The following MAN1A2 variants were observed in gnomAD, a reference collection of about 807,000 sequenced individuals.
The protein encoded by MAN1A2 is mannosyl-oligosaccharide 1,2-alpha-mannosidase IB.
In MAN1A2, 26 loss-of-function variants were observed where a neutral mutation model predicts 75.7. The ratio of observed to expected loss-of-function variants is 0.34; its 90% CI spans 0.25 to 0.48. MAN1A2 has a LOEUF of 0.48. Ranked by LOEUF, MAN1A2 falls within the 20% of genes least tolerant of loss-of-function variation. MAN1A2 has a pLI of 0.99. For missense variants in MAN1A2, 562 were observed against 775.5 expected (o/e 0.72, Z 3.27); for synonymous variants, 247 against 264.6 (o/e 0.93, Z 0.65).
rs150035070 is a variant in MAN1A2 at position 117,369,652 on chromosome 1, G to A, written c.302+1167G>A. ...TTATGGAGTAGTTACTTCTAATATT[G>A]TTTCATGCCATTCTTTTGTAACTAA... On this transcript the variant is annotated intron_variant, in intron 1 of 12. Transcript: ENST00000356554. 1.4e-4 allele frequency among the ~76,000 whole-genome samples: 21 copies of A among 152,106 alleles called. No homozygotes were observed. In the East Asian group the frequency reaches 4.1e-3, roughly 29 times the overall value.
At chr1:117,475,276 A>G (rs887768123) in intron 8 of MAN1A2, among the ~76,000 whole-genome samples, 3 of 151,996 alleles carry the variant, frequency 2.0e-5, no homozygotes, top group Non-Finnish European at 2.9e-5. Flanking sequence ...ACCATTTTAC[A>G]TTGCTATCAG....
intron 1 of MAN1A2, among the ~76,000 whole-genome samples, chr1:117,375,190 T>G (rs1331570724): frequency 6.6e-6 from 1 of 152,184 alleles, no homozygotes; most frequent in Non-Finnish European, 1.5e-5. Flanking sequence ...ATACAGTCCT[T>G]GACTGAGGCC....
intron 5 of MAN1A2, among the ~76,000 whole-genome samples, chr1:117,425,894 A>G (rs1648352876): frequency 6.6e-6 from 1 of 151,876 alleles, no homozygotes; most frequent in Admixed American, 6.6e-5. Flanking sequence ...TCTTCATTTC[A>G]GTCATTTTTG....
chr1:117,422,438 C>T (rs1487582242), intron 5 of MAN1A2, among the ~76,000 whole-genome samples: 2 of 152,000 alleles, frequency 1.3e-5, no homozygotes, highest in Admixed American at 6.6e-5. Flanking sequence ...CTATAGATTT[C>T]TGTGGGAAAA....
chr1:117,370,016 T>C lies in MAN1A2; in HGVS notation c.302+1531T>C, dbSNP rs1221876084. The stretch of plus-strand genomic sequence containing the variant: ...AATGGTCTAAAAGTTTAAAATAATA[T>C]GACCACATTTTAGTTTAAAAACATT... On this transcript the variant is annotated intron_variant, in intron 1 of 12. Coordinates refer to ENST00000356554, the MANE Select transcript of MAN1A2 (RefSeq NM_006699.5). Among the ~76,000 whole-genome samples, 5 of 152,324 alleles carry C rather than the reference T, an allele frequency of 3.3e-5. No homozygotes were observed. The East Asian group carries it at 9.6e-4, about 29-fold the overall frequency.
At chr1:117,429,560 G>C (rs1230977967) in intron 5 of MAN1A2, among the ~76,000 whole-genome samples, 1 of 113,956 alleles carries the variant, frequency 8.8e-6, no homozygotes, top group Admixed American at 7.8e-5. Context: ...TCCCGGACGG[G>C]GCGGCTGGCC....
intron 5 of MAN1A2, among the ~76,000 whole-genome samples, chr1:117,423,657 T>C (rs989899333): frequency 6.6e-6 from 1 of 152,146 alleles, no homozygotes; most frequent in African/African-American, 2.4e-5. Context: ...ATAAATACAT[T>C]TGATTTTTAA....
chr1:117,433,060 G>T (rs1411725733), intron 5 of MAN1A2, among the ~76,000 whole-genome samples: 1 of 151,414 alleles, frequency 6.6e-6, no homozygotes, highest in Non-Finnish European at 1.5e-5. Context: ...AACAATAAAG[G>T]AGAAAAATCA....
chr1:117,376,674 G>C (rs1049283906), intron 1 of MAN1A2, among the ~76,000 whole-genome samples: 1 of 152,210 alleles, frequency 6.6e-6, no homozygotes, highest in South Asian at 2.1e-4. Context: ...CTAACATTGT[G>C]TGAAGTTGAG....
chr1:117,493,438 A>G (rs1650948366), intron 9 of MAN1A2, 176 bp downstream of exon 9: 2 of 455,100 alleles, frequency 4.4e-6, no homozygotes, highest in South Asian at 3.4e-5. Context: ...AAAGCCTCAT[A>G]TTAAGTCTTC....
intron 5 of MAN1A2, among the ~76,000 whole-genome samples, chr1:117,425,946 G>C (rs1044896488): frequency 2.0e-5 from 3 of 151,894 alleles, no homozygotes; most frequent in African/African-American, 7.3e-5. Context: ...TGATTTTTCA[G>C]GTTTTTCAGG....
chr1:117,455,940 A>G (rs1206421761), intron 6 of MAN1A2, among the ~76,000 whole-genome samples: 2 of 152,068 alleles, frequency 1.3e-5, no homozygotes, highest in Non-Finnish European at 2.9e-5. Context: ...TCTGCTGTCA[A>G]ACAAGGAAGT....
At chr1:117,434,229 C>G (rs897021825) in intron 5 of MAN1A2, among the ~76,000 whole-genome samples, 2 of 152,184 alleles carry the variant, frequency 1.3e-5, no homozygotes, top group Non-Finnish European at 2.9e-5. Flanking sequence ...TCACGATTTT[C>G]TGTCTGTAAT....
chr1:117,464,482 G>A (rs1649925278), intron 7 of MAN1A2, among the ~76,000 whole-genome samples: 1 of 152,072 alleles, frequency 6.6e-6, no homozygotes, highest in Admixed American at 6.6e-5. Flanking sequence ...GAGAGGTTTG[G>A]TATAAATGGA....
At chr1:117,518,524 A>C (rs1651784126) in intron 12 of MAN1A2, among the ~76,000 whole-genome samples, 1 of 152,044 alleles carries the variant, frequency 6.6e-6, no homozygotes, top group Non-Finnish European at 1.5e-5. Flanking sequence ...AGTAAAGAAG[A>C]AAAAGTTTTT....
chr1:117,473,722 G>T (rs367744488), intron 8 of MAN1A2, among the ~76,000 whole-genome samples: 2 of 151,742 alleles, frequency 1.3e-5, no homozygotes, highest in South Asian at 2.1e-4. Context: ...CTTTCTTCAG[G>T]TTTTTTTACT....
At chr1:117,458,347 G>GTT (rs2101832116) in intron 6 of MAN1A2, among the ~76,000 whole-genome samples, 1 of 151,476 alleles carries the variant, frequency 6.6e-6, no homozygotes, top group South Asian at 2.1e-4. Context: ...TTTTCAGACA[G>GTT]TTTAAAAATA....
chr1:117,454,263 T>C (rs1341401352), intron 6 of MAN1A2, among the ~76,000 whole-genome samples: 1 of 152,166 alleles, frequency 6.6e-6, no homozygotes, highest in Non-Finnish European at 1.5e-5. Context: ...ATTTTTCAGA[T>C]TTGTTAAACA....
intron 12 of MAN1A2, among the ~76,000 whole-genome samples, chr1:117,520,974 A>T (rs1200011597): frequency 6.6e-6 from 1 of 152,138 alleles, no homozygotes. Context: ...ATAGGCACAC[A>T]GACCAATGGA....
Sources: gnomAD v4.1 joint callset for allele counts (sites outside exome capture counted in the v4.1 genomes callset) on GRCh38, gnomAD v4.1.1 for gene constraint, MANE v1.5 for transcripts, NCBI Gene and HGNC (gene_info 2026-07-23, HGNC 2026-07-21) for gene names.